The following NIN variants were observed in gnomAD, a reference collection of about 807,000 sequenced individuals.
NIN encodes the protein ninein, also known as glycogen synthase kinase 3 beta-interacting protein.
In NIN, 137 loss-of-function variants were observed where a neutral mutation model predicts 257.6. The ratio of observed to expected loss-of-function variants is 0.53; its 90% CI spans 0.46 to 0.61. The LOEUF (loss-of-function observed/expected upper bound fraction) is 0.61, where lower values mean the gene tolerates loss of function less well. Ranked by LOEUF, NIN falls within the 20% of genes least tolerant of loss-of-function variation. The pLI, the probability that NIN is intolerant of heterozygous loss-of-function variation, is 0.00. For synonymous variants in NIN, 918 were observed against 919.8 expected (o/e 1.00, Z 0.04); for missense variants, 2,439 against 2,501.2 (o/e 0.98, Z 0.53).
At chr14:50,790,021 C>T (rs771481428) in intron 5 of NIN, among the ~76,000 whole-genome samples, 3 of 152,178 alleles carry the variant, frequency 2.0e-5, no homozygotes, top group African/African-American at 7.2e-5. Flanking sequence ...CTTTTTTAAC[C>T]GCCAACAGGA....
Position 50,720,248 on chromosome 14 carries a change from A to C in NIN, c.*3215T>G, listed in dbSNP as rs1343211730. The C allele has an allele frequency of 1.3e-5, 3 of 222,752 alleles. No individual in the cohort carries two copies. The highest frequency in any genetic ancestry group is 6.5e-5 in the East Asian group (1 of 15,298). 13.8% of individuals were successfully genotyped at this position (222,752 alleles called of 1,614,324 possible). ...TTATATCATTCCAATGAGTCACTAC[A>C]GGTAATCCATTCAAAACATGACTTG... On this transcript the variant is annotated 3_prime_UTR_variant, in exon 31 of 31. Transcript: ENST00000530997.
chr14:50,767,628 G>T (rs6572696), intron 12 of NIN, among the ~76,000 whole-genome samples: 146,902 of 152,108 alleles, frequency 0.97, 71,154 homozygotes, highest in Non-Finnish European at 1. Context: ...CCATCCTGGC[G>T]AACACGGTGA....
intron 2 of NIN, 139 bp from the exon 3 acceptor site, chr14:50,822,216 C>G: frequency 1.6e-6 from 1 of 639,924 alleles, no homozygotes; most frequent in Non-Finnish European, 2.7e-6. Flanking sequence ...TGATGCACCC[C>G]ACAGCAAGAC....
At chr14:50,763,708 A>C (rs2042360256) in intron 15 of NIN, 118 bp downstream of exon 15, 2 of 776,466 alleles carry the variant, frequency 2.6e-6, no homozygotes, top group Non-Finnish European at 3.8e-6. Context: ...GAGTATGGCC[A>C]AATTCTTTTT....
chr14:50,741,525 A>C (rs2041281902), intron 25 of NIN, 57 bp downstream of exon 25: 1 of 1,295,472 alleles, frequency 7.7e-7, no homozygotes, highest in South Asian at 1.3e-5. Flanking sequence ...AGTTGTCCTA[A>C]GATTTGTATA....
intron 15 of NIN, 36 bp from the exon 16 acceptor site, chr14:50,761,947 G>T (rs2042290898): frequency 2.5e-6 from 4 of 1,612,160 alleles, no homozygotes; most frequent in Non-Finnish European, 3.4e-6. Flanking sequence ...CCTGCAGCAG[G>T]TTCTTTCAAT....
intron 27 of NIN, among the ~76,000 whole-genome samples, chr14:50,737,361 C>T (rs1024470114): frequency 1.3e-5 from 2 of 152,050 alleles, no homozygotes; most frequent in African/African-American, 2.4e-5. Flanking sequence ...GTGAAGCGTT[C>T]GGGTAACTGC....
At chr14:50,761,394 G>A (rs1486740352) in intron 16 of NIN, among the ~76,000 whole-genome samples, 2 of 152,078 alleles carry the variant, frequency 1.3e-5, no homozygotes, top group Admixed American at 6.5e-5. Context: ...TCATAAGAAC[G>A]GTCAGTTGAA....
chr14:50,761,044 G>A (rs1054937504), intron 16 of NIN, among the ~76,000 whole-genome samples: 4 of 152,060 alleles, frequency 2.6e-5, no homozygotes, highest in African/African-American at 9.7e-5. Context: ...GGAATACAAC[G>A]CTGGGTAAGA....
chr14:50,734,886 A>G (rs921956077), intron 28 of NIN, among the ~76,000 whole-genome samples: 16 of 145,390 alleles, frequency 1.1e-4, no homozygotes, highest in South Asian at 2.2e-4. Flanking sequence ...GGGTTTCGCC[A>G]TGTTGCCCAG....
At chr14:50,724,276 T>C (rs1341089873) in intron 30 of NIN, 2 of 209,030 alleles carry the variant, frequency 9.6e-6, no homozygotes, top group Non-Finnish European at 1.9e-5. Context: ...GATACTTTCA[T>C]TGTTGTTCTG....
At chr14:50,821,449 T>C (rs955532655) in intron 3 of NIN, among the ~76,000 whole-genome samples, 1 of 152,238 alleles carries the variant, frequency 6.6e-6, no homozygotes, top group Non-Finnish European at 1.5e-5. Context: ...TAATTAATAC[T>C]TCACCCAGAA....
intron 5 of NIN, 23 bp from the exon 6 acceptor site, chr14:50,778,827 A>T: frequency 1.9e-6 from 3 of 1,613,290 alleles, no homozygotes; most frequent in Non-Finnish European, 2.5e-6. Flanking sequence ...AGAGAAGATT[A>T]GTGTGCTTTA....
chr14:50,804,076 T>C (rs1271290798), intron 4 of NIN, among the ~76,000 whole-genome samples: 2 of 152,018 alleles, frequency 1.3e-5, no homozygotes, highest in African/African-American at 4.8e-5. Context: ...TTTGTATTGT[T>C]AGTAGAGACG....
In NIN at chr14:50,754,950, G is replaced by A. The variant is rs1207704046; in HGVS notation, c.4539-83C>T. On this transcript the variant is annotated intron_variant, in intron 18 of 30. Coordinates refer to ENST00000530997, the MANE Select transcript of NIN (RefSeq NM_020921.4). ...AATATTTTCTAGTAACTTCCAAAAG[G>A]ATGAGTATTCAATGCCAGTTAAAAA... is the stretch of plus-strand genomic sequence containing the variant. 5 of 937,914 alleles carry A rather than the reference G, an allele frequency of 5.3e-6. No homozygotes were observed. The East Asian group carries it at 1.3e-4, about 24-fold the overall frequency. The allele number at this position is 937,914 out of a possible 1,614,324, so 58.1% of individuals were successfully genotyped here.
At chr14:50,811,125 T>TC (rs2044578480) in intron 3 of NIN, among the ~76,000 whole-genome samples, 1 of 151,658 alleles carries the variant, frequency 6.6e-6, no homozygotes, top group South Asian at 2.1e-4. Flanking sequence ...TTTTTTTTTT[T>TC]CAGATGGAGG....
intron 14 of NIN, among the ~76,000 whole-genome samples, chr14:50,764,509 C>T (rs2042396752): frequency 6.6e-6 from 1 of 152,114 alleles, no homozygotes; most frequent in Admixed American, 6.5e-5. Flanking sequence ...TAGATATATG[C>T]CCATACAAAA....
intron 5 of NIN, among the ~76,000 whole-genome samples, chr14:50,781,049 C>A (rs913911874): frequency 1.3e-5 from 2 of 152,118 alleles, no homozygotes; most frequent in African/African-American, 4.8e-5. Flanking sequence ...AACCATCCTG[C>A]CTGTCTGTCC....
intron 28 of NIN, among the ~76,000 whole-genome samples, chr14:50,731,870 G>C (rs1054960659): frequency 1.3e-4 from 20 of 152,250 alleles, no homozygotes; most frequent in African/African-American, 4.3e-4. Context: ...GTACAGAATG[G>C]ATCTGATGTT....
Sources: allele counts gnomAD v4.1 joint callset (sites outside exome capture counted in the v4.1 genomes callset), GRCh38; gene constraint gnomAD v4.1.1; transcripts MANE v1.5; gene names NCBI Gene and HGNC (gene_info 2026-07-23, HGNC 2026-07-21).